ARAP2: variants seen among roughly 807,000 people sequenced by gnomAD.
ARAP2 encodes the protein arf-GAP with Rho-GAP domain, ANK repeat and PH domain-containing protein 2.
In ARAP2, 148 loss-of-function variants were observed where a neutral mutation model predicts 194.5. The observed-to-expected ratio is 0.76, with a 90% confidence interval of 0.67 to 0.87. ARAP2 has a LOEUF of 0.87. Ranked by LOEUF, ARAP2 falls within the 40% of genes least tolerant of loss-of-function variation. The pLI is 0.00. For synonymous variants in ARAP2, 695 were observed against 683.5 expected (o/e 1.02, Z -0.26); for missense variants, 2,128 against 1,989.7 (o/e 1.07, Z -1.32).
At chr4:36,105,895 T>C (rs1180098333) in intron 27 of ARAP2, among the ~76,000 whole-genome samples, 1 of 151,912 alleles carries the variant, frequency 6.6e-6, no homozygotes, top group African/African-American at 2.4e-5. Flanking sequence ...TAGGTGTAGG[T>C]TTTAAACATG....
chr4:36,217,904 CT>C (rs995669978), intron 2 of ARAP2, among the ~76,000 whole-genome samples: 3 of 150,506 alleles, frequency 2.0e-5, no homozygotes, highest in African/African-American at 4.9e-5. Context: ...ACAATACCCC[CT>C]ATATGAATCT....
intron 1 of ARAP2, among the ~76,000 whole-genome samples, chr4:36,241,336 A>C (rs1400885548): frequency 6.6e-6 from 1 of 152,204 alleles, no homozygotes; most frequent in Non-Finnish European, 1.5e-5. Context: ...AGCAATTGTC[A>C]AAGTTTCTTT....
chr4:36,105,310 C>T (rs1027064262), intron 27 of ARAP2, among the ~76,000 whole-genome samples: 1 of 152,068 alleles, frequency 6.6e-6, no homozygotes, highest in South Asian at 2.1e-4. Context: ...GGTGACACAG[C>T]AAGACTCCAT....
chr4:36,206,549 G>A (rs1000452183), intron 6 of ARAP2, among the ~76,000 whole-genome samples: 1 of 152,130 alleles, frequency 6.6e-6, no homozygotes, highest in Non-Finnish European at 1.5e-5. Flanking sequence ...TTTTGCAAAG[G>A]GCAATTCAAC....
chr4:36,149,367 A>G (rs1730400705), intron 16 of ARAP2, among the ~76,000 whole-genome samples: 1 of 152,130 alleles, frequency 6.6e-6, no homozygotes, highest in African/African-American at 2.4e-5. Flanking sequence ...AATTCTCAAC[A>G]ATTAGTCTCT....
At chr4:36,130,662 T>C (rs1020628320) in intron 20 of ARAP2, among the ~76,000 whole-genome samples, 2 of 151,908 alleles carry the variant, frequency 1.3e-5, no homozygotes, top group Non-Finnish European at 2.9e-5. Context: ...TAACTGCTCA[T>C]GTATTTGTCT....
chr4:36,116,626 A>C (rs905976781), intron 25 of ARAP2, among the ~76,000 whole-genome samples: 13 of 151,864 alleles, frequency 8.6e-5, no homozygotes, highest in African/African-American at 1.7e-4. Context: ...AGTAATAGTT[A>C]TTTATTAAAC....
intron 2 of ARAP2, among the ~76,000 whole-genome samples, chr4:36,225,713 G>C (rs955890571): frequency 2.8e-4 from 43 of 152,068 alleles, no homozygotes; most frequent in Middle Eastern, 3.4e-3. Context: ...TCCAGGGAGA[G>C]AAAAACAAAG....
chr4:36,073,562 C>G (rs1013053943), intron 32 of ARAP2, 127 bp downstream of exon 32: 1 of 1,106,570 alleles, frequency 9.0e-7, no homozygotes, highest in Non-Finnish European at 1.3e-6. Context: ...GTGATTATTA[C>G]CATGCTTTAC....
At chr4:36,207,478 G>A (rs963183283) in intron 6 of ARAP2, among the ~76,000 whole-genome samples, 2 of 152,086 alleles carry the variant, frequency 1.3e-5, no homozygotes, top group Non-Finnish European at 2.9e-5. Flanking sequence ...AAATGTTTCA[G>A]TATTTCTTTT....
chr4:36,125,263 T>C (rs896334068), intron 21 of ARAP2, among the ~76,000 whole-genome samples: 4 of 151,984 alleles, frequency 2.6e-5, no homozygotes, highest in Non-Finnish European at 2.9e-5. Flanking sequence ...TTCTACTTTA[T>C]GGAATACTGA....
intron 26 of ARAP2, among the ~76,000 whole-genome samples, chr4:36,108,657 G>C (rs1719059612): frequency 6.6e-6 from 1 of 151,916 alleles, no homozygotes; most frequent in African/African-American, 2.4e-5. Context: ...TTTAAATGCA[G>C]CATATATTCT....
At chr4:36,131,875 A>C (rs1436651563) in intron 20 of ARAP2, among the ~76,000 whole-genome samples, 1 of 151,770 alleles carries the variant, frequency 6.6e-6, no homozygotes, top group Non-Finnish European at 1.5e-5. Context: ...TTTTAAGTAA[A>C]CAGATGGTTA....
chr4:36,057,348 G>GTT (rs77470022), intron 2 of ARAP2, among the ~76,000 whole-genome samples: 7 of 143,694 alleles, frequency 4.9e-5, no homozygotes, highest in African/African-American at 1.8e-4. Flanking sequence ...TTTTGTGTAG[G>GTT]TTTTTTTTTT....
rs377020836 is a variant in ARAP2 at position 36,034,975 on chromosome 4, G to A, written n.607+11004C>T. 2.6e-5 allele frequency among the ~76,000 whole-genome samples: 4 copies of A among 151,938 alleles called. No homozygotes were observed. The East Asian group carries it at 7.7e-4, about 29-fold the overall frequency. On this transcript the variant is annotated intron_variant and non_coding_transcript_variant, in intron 5 of 12. Transcript: ENST00000503225. Reference sequence around the variant, plus strand: ...TAAATTAGCATTTTGATGTGCTTTTGGACTGGTTTGCAAATATTTTGCTGA... The same window carrying A: ...TAAATTAGCATTTTGATGTGCTTTTAGACTGGTTTGCAAATATTTTGCTGA...
At chr4:36,213,167 GA>G in intron 4 of ARAP2, 75 bp downstream of exon 4, 2 of 1,110,926 alleles carry the variant, frequency 1.8e-6, no homozygotes, top group Non-Finnish European at 2.7e-6. Flanking sequence ...ATAGCTTGGA[GA>G]AAAATGAAGA....
In ARAP2 at chr4:36,102,225, A is replaced by C. The variant is rs1331507745; in HGVS notation, c.4285+5340T>G. On this transcript the variant is annotated intron_variant, in intron 27 of 32. Coordinates refer to ENST00000303965, the MANE Select transcript of ARAP2 (RefSeq NM_015230.4). Reference sequence around the variant, plus strand: ...AGACTCTTAAAGCTCAGCACGTCCAAAACTGAATTCTGTGGCTCCATCCAT... The same window carrying C: ...AGACTCTTAAAGCTCAGCACGTCCACAACTGAATTCTGTGGCTCCATCCAT... 5.3e-5 allele frequency among the ~76,000 whole-genome samples: 8 copies of C among 151,954 alleles called. No homozygotes were observed. In the South Asian group the frequency reaches 1.4e-3, roughly 28 times the overall value.
intron 19 of ARAP2, among the ~76,000 whole-genome samples, chr4:36,140,543 T>C (rs1268399726): frequency 2.6e-5 from 4 of 151,720 alleles, no homozygotes; most frequent in African/African-American, 9.7e-5. Flanking sequence ...TTGTGGGCAA[T>C]AGGCTACTGT....
At chr4:36,020,125 A>G (rs1041903556) in intron 5 of ARAP2, among the ~76,000 whole-genome samples, 1 of 152,172 alleles carries the variant, frequency 6.6e-6, no homozygotes, top group African/African-American at 2.4e-5. Flanking sequence ...TACCACGACA[A>G]TCAGACAGGG....
Sources: gnomAD v4.1 joint callset for allele counts (sites outside exome capture counted in the v4.1 genomes callset) on GRCh38, gnomAD v4.1.1 for gene constraint, MANE v1.5 for transcripts, NCBI Gene and HGNC (gene_info 2026-07-23, HGNC 2026-07-21) for gene names.